Variants in COG5 observed in about 807,000 individuals in gnomAD.
The protein encoded by COG5 is component of oligomeric golgi complex 5.
Under a neutral mutation model 110.4 loss-of-function variants are expected in COG5, and 86 were observed. The ratio of observed to expected loss-of-function variants is 0.78; its 90% CI spans 0.65 to 0.93. The LOEUF (loss-of-function observed/expected upper bound fraction) is 0.93, where lower values mean the gene tolerates loss of function less well. Among genes scored for constraint, COG5 ranks in the 40% least tolerant of loss-of-function variants. The pLI is 0.00. For synonymous variants in COG5, 360 were observed against 334.6 expected (o/e 1.08, Z -0.83); for missense variants, 1,077 against 987.0 (o/e 1.09, Z -1.22).
intron 11 of COG5, among the ~76,000 whole-genome samples, chr7:107,319,567 T>C (rs1013620242): frequency 2.6e-5 from 4 of 152,218 alleles, no homozygotes; most frequent in African/African-American, 7.2e-5. Context: ...CAGTTCTATA[T>C]TGCCTGTTGC....
chr7:107,212,195 T>C (rs1799232750), intron 19 of COG5, among the ~76,000 whole-genome samples: 1 of 152,218 alleles, frequency 6.6e-6, no homozygotes, highest in Non-Finnish European at 1.5e-5. Context: ...TGGCTTTATA[T>C]TAACTATTCT....
chr7:107,520,283 A>G (rs1800232652), intron 6 of COG5, among the ~76,000 whole-genome samples: 1 of 152,182 alleles, frequency 6.6e-6, no homozygotes, highest in Non-Finnish European at 1.5e-5. Flanking sequence ...ATAGCATTGG[A>G]AGTTCTGGCC....
At chr7:107,413,207 G>T (rs1017955328) in intron 6 of COG5, among the ~76,000 whole-genome samples, 2 of 151,868 alleles carry the variant, frequency 1.3e-5, no homozygotes, top group African/African-American at 2.4e-5. Context: ...AAGAGACAGG[G>T]TCTCACTATG....
Position 107,548,107 on chromosome 7 carries a change from C to T in COG5, c.417+4G>A, listed in dbSNP as rs772302743. Reference sequence around the variant, plus strand: ...AGTATAAAGAAATAAAAGTAAGAAACTACCTGAAGTCTTGCTAGTTGTGCA... The same window carrying T: ...AGTATAAAGAAATAAAAGTAAGAAATTACCTGAAGTCTTGCTAGTTGTGCA... On this transcript the variant is annotated splice_donor_region_variant and intron_variant, in intron 5 of 21. Transcript: ENST00000297135. 1 of 1,610,842 alleles carries T rather than the reference C, an allele frequency of 6.2e-7. No individual in the cohort carries two copies. Among genetic ancestry groups the T allele is most frequent in the Admixed American group, 1.7e-5 (1 of 59,984 alleles).
At chr7:107,361,719 G>A (rs372131039) in intron 10 of COG5, among the ~76,000 whole-genome samples, 2 of 152,014 alleles carry the variant, frequency 1.3e-5, no homozygotes, top group East Asian at 1.9e-4. Flanking sequence ...ATGCCACCAC[G>A]CCCGGCTAAT....
At chr7:107,204,479 A>G (rs1488566065) in intron 21 of COG5, among the ~76,000 whole-genome samples, 1 of 152,320 alleles carries the variant, frequency 6.6e-6, no homozygotes, top group South Asian at 2.1e-4. Context: ...TTATTGGTCT[A>G]TTTAAGTACC....
At chr7:107,243,616 G>A (rs1443532871) in intron 17 of COG5, among the ~76,000 whole-genome samples, 1 of 151,642 alleles carries the variant, frequency 6.6e-6, no homozygotes, top group Non-Finnish European at 1.5e-5. Context: ...GATCATCAAG[G>A]CAGAAAATTA....
chr7:107,378,281 A>C (rs1340374989), intron 7 of COG5, among the ~76,000 whole-genome samples: 1 of 152,214 alleles, frequency 6.6e-6, no homozygotes, highest in Non-Finnish European at 1.5e-5. Context: ...CCAACAGCAA[A>C]GACCAAAGGT....
intron 6 of COG5, chr7:107,472,336 C>T (rs1412413707): frequency 6.6e-6 from 1 of 151,934 alleles, no homozygotes; most frequent in African/African-American, 2.4e-5. Context: ...TCAATGATAT[C>T]ATGTATCAAT....
At chr7:107,442,679 T>C (rs1366902024) in intron 6 of COG5, among the ~76,000 whole-genome samples, 1 of 150,502 alleles carries the variant, frequency 6.6e-6, no homozygotes, top group East Asian at 1.9e-4. Context: ...GAGAAACTTG[T>C]AGCATGTAAT....
intron 6 of COG5, among the ~76,000 whole-genome samples, chr7:107,464,312 T>G (rs1019269449): frequency 6.6e-6 from 1 of 152,230 alleles, no homozygotes; most frequent in Non-Finnish European, 1.5e-5. Context: ...TACTGCCTTT[T>G]GCCTTAGGGC....
intron 7 of COG5, among the ~76,000 whole-genome samples, chr7:107,391,992 G>A (rs1293096135): frequency 6.6e-6 from 1 of 152,182 alleles, no homozygotes; most frequent in Non-Finnish European, 1.5e-5. Flanking sequence ...TTGGGAGGCT[G>A]AGGCAGGAGA....
At chr7:107,224,270 C>A (rs1326261253) in intron 19 of COG5, among the ~76,000 whole-genome samples, 1 of 152,138 alleles carries the variant, frequency 6.6e-6, no homozygotes, top group Non-Finnish European at 1.5e-5. Context: ...AACATTCAGG[C>A]ACAGAGGTTT....
At chr7:107,462,185 T>C (rs1387663190) in intron 6 of COG5, among the ~76,000 whole-genome samples, 1 of 152,176 alleles carries the variant, frequency 6.6e-6, no homozygotes, top group East Asian at 1.9e-4. Flanking sequence ...ACGTGAGCAC[T>C]TGAGTACCTG....
chr7:107,308,210 T>C (rs1049718367), intron 11 of COG5, among the ~76,000 whole-genome samples: 4 of 152,204 alleles, frequency 2.6e-5, no homozygotes, highest in African/African-American at 7.2e-5. Context: ...CTGTAAATCA[T>C]CAGTTGAATC....
intron 7 of COG5, among the ~76,000 whole-genome samples, chr7:107,379,814 TC>T (rs1189018707): frequency 6.6e-6 from 1 of 151,952 alleles, no homozygotes; most frequent in East Asian, 1.9e-4. Flanking sequence ...AGACTTAGAC[TC>T]CCACACAATA....
At chr7:107,498,511 A>G (rs1403240334) in intron 6 of COG5, among the ~76,000 whole-genome samples, 1 of 152,224 alleles carries the variant, frequency 6.6e-6, no homozygotes, top group Non-Finnish European at 1.5e-5. Flanking sequence ...GCCAACAAGT[A>G]TATAAAAAGA....
chr7:107,505,425 A>C (rs1468837023), intron 6 of COG5, among the ~76,000 whole-genome samples: 1 of 152,072 alleles, frequency 6.6e-6, no homozygotes, highest in Admixed American at 6.5e-5. Flanking sequence ...AGTGGAGAGG[A>C]ATTGTGCCTC....
intron 7 of COG5, among the ~76,000 whole-genome samples, chr7:107,391,784 G>C (rs1217947425): frequency 6.6e-6 from 1 of 152,066 alleles, no homozygotes; most frequent in Non-Finnish European, 1.5e-5. Context: ...CATCATCCCT[G>C]AAAGTCAAAT....
Sources: gnomAD v4.1 joint callset for allele counts (sites outside exome capture counted in the v4.1 genomes callset) on GRCh38, gnomAD v4.1.1 for gene constraint, MANE v1.5 for transcripts, NCBI Gene and HGNC (gene_info 2026-07-23, HGNC 2026-07-21) for gene names.